The following GALE variants were observed in gnomAD, a reference collection of about 807,000 sequenced individuals.
The protein encoded by GALE is UDP-galactose-4-epimerase, also known as UDP-glucose 4-epimerase.
GALE carries 32 observed loss-of-function variants against 44.1 expected under a neutral mutation model. The ratio of observed to expected loss-of-function variants is 0.73; its 90% CI spans 0.55 to 0.97. The LOEUF (loss-of-function observed/expected upper bound fraction) is 0.97, where lower values mean the gene tolerates loss of function less well. Ranked by LOEUF, GALE falls within the 50% of genes least tolerant of loss-of-function variation. The probability of loss-of-function intolerance (pLI) is 0.00; values close to 1 mark genes in which losing one functional copy is unlikely to be tolerated. For missense variants in GALE, 423 were observed against 455.6 expected (o/e 0.93, Z 0.65); for synonymous variants, 182 against 183.5 (o/e 0.99, Z 0.06).
At chr1:23,799,135 C>G (rs141508491) in intron 2 of GALE, 123 bp from the exon 3 acceptor site, 1 of 1,358,476 alleles carries the variant, frequency 7.4e-7, no homozygotes, top group Admixed American at 1.9e-5. Context: ...AGGTACCAGA[C>G]TGGCTCAGAA....
intron 2 of GALE, 175 bp downstream of exon 2, chr1:23,799,191 G>T: frequency 1.4e-6 from 1 of 723,474 alleles, no homozygotes; most frequent in Non-Finnish European, 2.4e-6. Flanking sequence ...CTGGCCTTAG[G>T]CTTTGGAAAT....
At chr1:23,797,627 G>A (rs749660646) in intron 6 of GALE, 68 bp downstream of exon 6, 1 of 1,479,898 alleles carries the variant, frequency 6.8e-7, no homozygotes, top group Non-Finnish European at 9.4e-7. Context: ...TCCCACCCCT[G>A]GGCTCAGGGT....
In GALE at chr1:23,798,314, T is replaced by TG; in HGVS notation, c.238-85_238-84insC. 1.1e-6 allele frequency: 1 copy of TG among 879,076 alleles called. No homozygotes were observed. Among genetic ancestry groups the TG allele is most frequent in the South Asian group, 1.4e-5 (1 of 70,204 alleles). 54.5% of individuals were successfully genotyped at this position (879,076 alleles called of 1,614,324 possible). The stretch of plus-strand genomic sequence containing the variant: ...CAGCCTGCCTGCCTGCACTCACCTT[T>TG]TTTTTTTTTTTTGACAGTCTCGCTC... On this transcript the variant is annotated intron_variant, in intron 4 of 11. Transcript: ENST00000617979. This position sits in a 1 kb window ranked among gnomAD's most constrained non-coding sequence, Gnocchi z 4.5.
Position 23,796,382 on chromosome 1 carries a change from G to A in GALE, c.874-117C>T. The stretch of plus-strand genomic sequence containing the variant: ...CTGGCCCGCAGGCACCGGGTGCTAG[G>A]CAGGCTGAGGAGACTGGGCAGTGCC... On this transcript the variant is annotated intron_variant, in intron 10 of 11. Coordinates refer to ENST00000617979, the MANE Select transcript of GALE (RefSeq NM_001008216.2). The surrounding 1 kb of genome is among the most constrained non-coding windows in gnomAD (Gnocchi z 5.2). 1 of 1,418,554 alleles carries A rather than the reference G, an allele frequency of 7.0e-7. No homozygotes were observed. The allele number at this position is 1,418,554 out of a possible 1,614,324, so 87.9% of individuals were successfully genotyped here.
Position 23,798,448 on chromosome 1 carries a change from G to C in GALE, c.237+167C>G. ...GCCTCCCGAGTAGCTGGGACCACAG[G>C]TATGGGCTACCATGCCCAGCTAATT... On this transcript the variant is annotated intron_variant, in intron 4 of 11. Coordinates refer to ENST00000617979, the MANE Select transcript of GALE (RefSeq NM_001008216.2). The surrounding 1 kb of genome is among the most constrained non-coding windows in gnomAD (Gnocchi z 4.5). 2 of 695,606 alleles carry C rather than the reference G, an allele frequency of 2.9e-6. No individual in the cohort carries two copies. Among genetic ancestry groups the C allele is most frequent in the Non-Finnish European group, 2.5e-6 (1 of 392,366 alleles). 43.1% of individuals were successfully genotyped at this position (695,606 alleles called of 1,614,324 possible).
chr1:23,796,429 G>C lies in GALE; in HGVS notation c.873+80C>G, dbSNP rs1638952370. The C allele has an allele frequency of 3.9e-6, 6 of 1,524,102 alleles. No homozygotes were observed. In the Admixed American group the frequency reaches 6.8e-5, roughly 17 times the overall value. The allele number at this position is 1,524,102 out of a possible 1,614,324, so 94.4% of individuals were successfully genotyped here. On this transcript the variant is annotated intron_variant, in intron 10 of 11. Transcript: ENST00000617979. The surrounding 1 kb of genome is among the most constrained non-coding windows in gnomAD (Gnocchi z 5.2). ...TGCCAGGTACCCTCCAGAGAGGTGA[G>C]TGGGAAGGGCCAAAGCTGCTCTGTT...
rs553417178 is a variant in GALE, at chr1:23,798,182, C to T, written c.286G>A (p.Glu96Lys). 2.9e-5 allele frequency: 47 copies of T among 1,613,986 alleles called. No homozygotes were observed. Among genetic ancestry groups the T allele is most frequent in the Non-Finnish European group, 3.4e-5 (40 of 1,180,034 alleles). Residue 96 changes from glutamate to lysine, a missense_variant, in exon 5 of 12, where the codon GAG (glutamate) becomes AAG (lysine). Physicochemically the swap from Glu to Lys is moderately conservative, Grantham distance 56. Transcript: ENST00000617979. This position sits in a 1 kb window ranked among gnomAD's most constrained non-coding sequence, Gnocchi z 4.5. ...TAATCCAGAGGCTTCTGCACCGACT[C>T]GCCCACGGCCTTGAGCCCCGCAAAG... ...IHFAGLKAVGESVQKPLDYYR... is the reference protein window; with the variant it reads ...IHFAGLKAVGKSVQKPLDYYR...
In GALE at chr1:23,796,859, C is replaced by T. The variant is rs1308329636; in HGVS notation, c.709+17G>A. The T allele has an allele frequency of 1.9e-6, 3 of 1,612,370 alleles. No homozygotes were observed. Among genetic ancestry groups the T allele is most frequent in the Non-Finnish European group, 1.7e-6 (2 of 1,179,152 alleles). On this transcript the variant is annotated intron_variant, in intron 8 of 11. Coordinates refer to ENST00000617979, the MANE Select transcript of GALE (RefSeq NM_001008216.2). The surrounding 1 kb of genome is among the most constrained non-coding windows in gnomAD (Gnocchi z 5.2). The stretch of plus-strand genomic sequence containing the variant: ...TTCCTGGCTCCCACTCCTAGGTCCC[C>T]CTGGTCCTAGGCTCACCTGTGCCAT...
chr1:23,796,041 C>G lies in GALE; in HGVS notation c.989-34G>C, dbSNP rs767811334. Reference sequence around the variant, plus strand: ...CGGCGAGGTGTGTGCTCAGGGCCCACGGTGGAATGCAGAGCCTCCCCCACC... The same window carrying G: ...CGGCGAGGTGTGTGCTCAGGGCCCAGGGTGGAATGCAGAGCCTCCCCCACC... On this transcript the variant is annotated intron_variant, in intron 11 of 11. Transcript: ENST00000617979. This position sits in a 1 kb window ranked among gnomAD's most constrained non-coding sequence, Gnocchi z 5.2. 3 of 1,612,006 alleles carry G rather than the reference C, an allele frequency of 1.9e-6. No homozygotes were observed. The South Asian group carries it at 3.3e-5, about 18-fold the overall frequency.
Position 23,798,907 on chromosome 1 carries a change from T to G in GALE, c.101A>C (p.Asn34Thr), listed in dbSNP as rs121908046. The stretch of plus-strand genomic sequence containing the variant: ...CTCACCACGGAAGGCATTATGGAAG[T>G]TATCGATGACCACAGGCAAGTAGCC... ...EAGYLPVVID[N>T]FHNAFRGGGS... The change falls in exon 3 of 12, where the codon AAC becomes ACC. Residue 34 changes from asparagine (N) to threonine (T), a missense_variant. Physicochemically the swap from Asn to Thr is moderately conservative, Grantham distance 65. Transcript: ENST00000617979. This position sits in a 1 kb window ranked among gnomAD's most constrained non-coding sequence, Gnocchi z 4.5. 2 of 1,614,168 alleles carry G rather than the reference T, an allele frequency of 1.2e-6. No homozygotes were observed. The highest frequency in any genetic ancestry group is 1.7e-6 in the Non-Finnish European group (2 of 1,180,036).
At chr1:23,799,179 T>C in intron 2 of GALE, 167 bp from the exon 3 acceptor site, 1 of 806,460 alleles carries the variant, frequency 1.2e-6, no homozygotes, top group Non-Finnish European at 2.1e-6. Context: ...TACCATCACT[T>C]TCTGGCCTTA....
Position 23,796,718 on chromosome 1 carries a change from C to CA in GALE, c.773dup (p.Lys259GlufsTer45). 3.7e-6 allele frequency: 6 copies of CA among 1,613,166 alleles called. No homozygotes were observed. Among genetic ancestry groups the CA allele is most frequent in the Non-Finnish European group, 4.2e-6 (5 of 1,179,590 alleles). ...CTACCCGGCAGCCACACTGTTCTTT[C>CA]AGCTTCCTTAAGGCTGCAATGTGGC... On this transcript the variant is annotated frameshift_variant, in exon 9 of 12. Transcript: ENST00000617979. LOFTEE classifies it high-confidence loss of function. The surrounding 1 kb of genome is among the most constrained non-coding windows in gnomAD (Gnocchi z 5.2).
At chr1:23,797,985 G>A in intron 5 of GALE, 114 bp from the exon 6 acceptor site, 1 of 1,352,524 alleles carries the variant, frequency 7.4e-7, no homozygotes, top group Non-Finnish European at 1.1e-6. Flanking sequence ...TACAGATGGG[G>A]AAACTGAGAC....
At chr1:23,797,980 A>C (rs2148411294) in intron 5 of GALE, 109 bp from the exon 6 acceptor site, 1 of 1,357,104 alleles carries the variant, frequency 7.4e-7, no homozygotes. Context: ...TCATTTACAG[A>C]TGGGGAAACT....
chr1:23,798,743 A>G lies in GALE; in HGVS notation c.122-13T>C, dbSNP rs112932816. On this transcript the variant is annotated splice_polypyrimidine_tract_variant and intron_variant, in intron 3 of 11. Transcript: ENST00000617979. The surrounding 1 kb of genome is among the most constrained non-coding windows in gnomAD (Gnocchi z 4.5). ...AGGGAGCCCCCTCCTGGTAGGGTAC[A>G]TGTAGGCCACATCATCACGACATGG... The G allele has an allele frequency of 7.5e-5, 121 of 1,612,054 alleles. No homozygotes were observed. The highest frequency in any genetic ancestry group is 2.4e-4 in the African/African-American group (18 of 74,890).
In GALE at chr1:23,798,395, C is replaced by A; in HGVS notation, c.238-165G>T. 4 of 711,122 alleles carry A rather than the reference C, an allele frequency of 5.6e-6. No individual in the cohort carries two copies. The highest frequency in any genetic ancestry group is 1.0e-5 in the Non-Finnish European group (4 of 399,316). The allele number at this position is 711,122 out of a possible 1,614,324, so 44.1% of individuals were successfully genotyped here. On this transcript the variant is annotated intron_variant, in intron 4 of 11. Transcript: ENST00000617979. The surrounding 1 kb of genome is among the most constrained non-coding windows in gnomAD (Gnocchi z 4.5). ...TCTCAGCTCACCGCAACCTCCACCT[C>A]CCAGGCTCAAGCCATCCTCCCATGC...
Position 23,800,710 on chromosome 1 carries a change from A to C in GALE, c.-77+2T>G, listed in dbSNP as rs1250158442. 6.6e-6 allele frequency: 1 copy of C among 152,054 alleles called. No homozygotes were observed. Among genetic ancestry groups the C allele is most frequent in the Non-Finnish European group, 1.5e-5 (1 of 68,044 alleles). The allele number at this position is 152,054 out of a possible 1,614,324, so 9.4% of individuals were successfully genotyped here. A position where few individuals can be genotyped will look rare whatever the true frequency, so the allele number is the denominator to read the frequency against. On this transcript the variant is annotated splice_donor_variant, in intron 1 of 11. Coordinates refer to ENST00000617979, the MANE Select transcript of GALE (RefSeq NM_001008216.2). LOFTEE classifies it low-confidence loss of function (5UTR_SPLICE). Reference sequence around the variant, plus strand: ...CCCGGCCCTTCATTCCGTCTCCCGAACCTGCTCGGGTTCCCGCGCCCCACG... The same window carrying C: ...CCCGGCCCTTCATTCCGTCTCCCGACCCTGCTCGGGTTCCCGCGCCCCACG...
chr1:23,798,596 G>T lies in GALE; in HGVS notation c.237+19C>A, dbSNP rs774395385. On this transcript the variant is annotated intron_variant, in intron 4 of 11. Coordinates refer to ENST00000617979, the MANE Select transcript of GALE (RefSeq NM_001008216.2). This position sits in a 1 kb window ranked among gnomAD's most constrained non-coding sequence, Gnocchi z 4.5. ...GCTGGAATTACAGGCGTGAGCCACC[G>T]TGCCCAGCCTGCACCCACCTTTTTG... is the stretch of plus-strand genomic sequence containing the variant. The T allele has an allele frequency of 3.8e-6, 6 of 1,568,546 alleles. No homozygotes were observed. Among genetic ancestry groups the T allele is most frequent in the South Asian group, 2.2e-5 (2 of 90,186 alleles).
chr1:23,798,821 A>T lies in GALE; in HGVS notation c.121+66T>A. On this transcript the variant is annotated intron_variant, in intron 3 of 11. Transcript: ENST00000617979. This position sits in a 1 kb window ranked among gnomAD's most constrained non-coding sequence, Gnocchi z 4.5. Reference sequence around the variant, plus strand: ...ACACACATTCCCCGCCCGGTGGTGGAGGTGGAACCCAGGGTTTTGCTTCTG... The same window carrying T: ...ACACACATTCCCCGCCCGGTGGTGGTGGTGGAACCCAGGGTTTTGCTTCTG... 1.2e-6 allele frequency: 2 copies of T among 1,612,944 alleles called. No individual in the cohort carries two copies. Among genetic ancestry groups the T allele is most frequent in the South Asian group, 2.2e-5 (2 of 91,032 alleles).
Sources: gnomAD v4.1 joint callset for allele counts on GRCh38, gnomAD v4.1.1 for gene constraint, Gnocchi (gnomAD v3.1) non-coding constraint, MANE v1.5 for transcripts, NCBI Gene and HGNC (gene_info 2026-07-23, HGNC 2026-07-21) for gene names.